The following MAPK14 variants were observed in gnomAD, a reference collection of about 807,000 sequenced individuals.
MAPK14 encodes CSAID-binding protein.
MAPK14 carries 16 observed loss-of-function variants against 49.6 expected under a neutral mutation model. The ratio of observed to expected loss-of-function variants is 0.32; its 90% CI spans 0.22 to 0.49. MAPK14 has a LOEUF of 0.49. Among genes scored for constraint, MAPK14 ranks in the 20% least tolerant of loss-of-function variants. The pLI, the probability that MAPK14 is intolerant of heterozygous loss-of-function variation, is 0.99. For synonymous variants in MAPK14, 142 were observed against 158.0 expected (o/e 0.90, Z 0.76); for missense variants, 200 against 441.2 (o/e 0.45, Z 4.90).
intron 8 of MAPK14, among the ~76,000 whole-genome samples, chr6:36,079,225 C>T (rs1006973434): frequency 6.6e-6 from 1 of 152,186 alleles, no homozygotes; most frequent in Non-Finnish European, 1.5e-5. Context: ...TCCAAAGCTA[C>T]CTGTCACATA....
chr6:36,078,959 G>T (rs1207595603), intron 8 of MAPK14, among the ~76,000 whole-genome samples: 1 of 152,188 alleles, frequency 6.6e-6, no homozygotes, highest in Non-Finnish European at 1.5e-5. Flanking sequence ...AACTCTAGAT[G>T]CCTGGGGACC....
chr6:36,062,072 G>C lies in MAPK14; in HGVS notation c.305+2725G>C, dbSNP rs992471936. Among the ~76,000 whole-genome samples, 4 of 152,110 alleles carry C rather than the reference G, an allele frequency of 2.6e-5. No individual in the cohort carries two copies. In the South Asian group the frequency reaches 6.2e-4, roughly 24 times the overall value. ...GGCTCACTGCCACCTCTGCCTCCCA[G>C]CTCATGCAATCCTCCCACCTCAGTC... On this transcript the variant is annotated intron_variant, in intron 3 of 11. Coordinates refer to ENST00000229794, the MANE Select transcript of MAPK14 (RefSeq NM_139012.3).
chr6:36,046,762 A>G (rs1463483064), intron 1 of MAPK14, among the ~76,000 whole-genome samples: 1 of 152,208 alleles, frequency 6.6e-6, no homozygotes, highest in Admixed American at 6.5e-5. Context: ...TCAAATAGAG[A>G]TAAAAATATT....
chr6:36,087,663 C>G (rs972444343), intron 8 of MAPK14, among the ~76,000 whole-genome samples: 2 of 152,220 alleles, frequency 1.3e-5, no homozygotes, highest in Non-Finnish European at 2.9e-5. Flanking sequence ...GAAAAACATT[C>G]TGTGCTCATG....
At chr6:36,074,228 A>C (rs1764427465) in intron 6 of MAPK14, 132 bp downstream of exon 6, 1 of 597,326 alleles carries the variant, frequency 1.7e-6, no homozygotes. Context: ...TTATTATCAG[A>C]CTTTGAAATT....
intron 9 of MAPK14, 48 bp from the exon 10 acceptor site, chr6:36,102,523 C>G (rs1218676096): frequency 7.4e-7 from 1 of 1,351,038 alleles, no homozygotes; most frequent in East Asian, 2.3e-5. Flanking sequence ...TCTTTGAGAG[C>G]AGTAACATTA....
At chr6:36,046,090 A>T (rs1324634273) in intron 1 of MAPK14, among the ~76,000 whole-genome samples, 1 of 152,200 alleles carries the variant, frequency 6.6e-6, no homozygotes, top group African/African-American at 2.4e-5. Context: ...GTAACAAAAC[A>T]TTGAAGTTTA....
intron 2 of MAPK14, among the ~76,000 whole-genome samples, chr6:36,054,294 A>G (rs897132895): frequency 6.6e-6 from 1 of 152,258 alleles, no homozygotes; most frequent in African/African-American, 2.4e-5. Flanking sequence ...ATGGAACCCC[A>G]GAGCACCTTT....
downstream of MAPK14, among the ~76,000 whole-genome samples, chr6:36,113,258 C>G (rs181851914): frequency 1.3e-4 from 19 of 143,770 alleles, no homozygotes; most frequent in East Asian, 3.6e-3. Flanking sequence ...GGGAGGATCT[C>G]TTGAGCCCAG....
chr6:36,092,762 G>C (rs1356687502), intron 8 of MAPK14: 1 of 252,962 alleles, frequency 4.0e-6, no homozygotes, highest in Non-Finnish European at 7.8e-6. Flanking sequence ...GCATACGCCG[G>C]TGTCACGACT....
intron 3 of MAPK14, among the ~76,000 whole-genome samples, chr6:36,061,305 T>TC (rs1763812711): frequency 6.6e-6 from 1 of 152,198 alleles, no homozygotes; most frequent in African/African-American, 2.4e-5. Flanking sequence ...TGGAACCGGA[T>TC]TAAGAACCTA....
chr6:36,116,219 C>T (rs144956537), downstream of MAPK14, among the ~76,000 whole-genome samples: 323 of 152,296 alleles, frequency 2.1e-3, 2 homozygotes, highest in South Asian at 8.9e-3. Flanking sequence ...GCTCCAAATG[C>T]GTACTGATAC....
In MAPK14 at chr6:36,107,010, C is replaced by T. The variant is rs770280551; in HGVS notation, c.842-445C>T. 8.5e-5 allele frequency among the ~76,000 whole-genome samples: 13 copies of T among 152,062 alleles called. No homozygotes were observed. Among genetic ancestry groups the T allele is most frequent in the Admixed American group, 6.6e-5 (1 of 15,264 alleles). ...CTGGTAGCAGTTTGACATTGACGGT[C>T]CACAAAAGCCTGTTCAAACAGAATC... On this transcript the variant is annotated intron_variant, in intron 10 of 11. Transcript: ENST00000229794. The surrounding 1 kb of genome is among the most constrained non-coding windows in gnomAD (Gnocchi z 4.3).
At chr6:36,060,267 C>T (rs1049192727) in intron 3 of MAPK14, among the ~76,000 whole-genome samples, 1 of 152,144 alleles carries the variant, frequency 6.6e-6, no homozygotes, top group Non-Finnish European at 1.5e-5. Context: ...CCACGTATGT[C>T]ATTAGTGCCT....
intron 10 of MAPK14, among the ~76,000 whole-genome samples, chr6:36,105,798 C>T (rs553037345): frequency 1.1e-3 from 167 of 152,340 alleles, no homozygotes; most frequent in African/African-American, 3.7e-3. Context: ...CTCACCCCCA[C>T]ACCCTCCACA....
intron 3 of MAPK14, among the ~76,000 whole-genome samples, chr6:36,070,156 G>C (rs774225649): frequency 2.6e-5 from 4 of 152,168 alleles, no homozygotes; most frequent in Non-Finnish European, 5.9e-5. Flanking sequence ...ACAGTATTGA[G>C]AATTACTAAG....
chr6:36,050,233 A>G (rs990513575), intron 1 of MAPK14, among the ~76,000 whole-genome samples: 13 of 152,124 alleles, frequency 8.5e-5, no homozygotes, highest in African/African-American at 3.1e-4. Context: ...ACAGACAGAC[A>G]GAGAGAGAGA....
At chr6:36,047,517 G>A (rs907834000) in intron 1 of MAPK14, among the ~76,000 whole-genome samples, 4 of 152,198 alleles carry the variant, frequency 2.6e-5, no homozygotes, top group Non-Finnish European at 4.4e-5. Flanking sequence ...TTCCTTGAAT[G>A]GTTTGAAGGA....
chr6:36,115,344 G>T (rs1386673386), downstream of MAPK14, among the ~76,000 whole-genome samples: 1 of 152,160 alleles, frequency 6.6e-6, no homozygotes, highest in Admixed American at 6.5e-5. Flanking sequence ...CTAAACTCTT[G>T]TCAGATCTAT....
Sources: gnomAD v4.1 joint callset for allele counts (sites outside exome capture counted in the v4.1 genomes callset) on GRCh38, gnomAD v4.1.1 for gene constraint, Gnocchi (gnomAD v3.1) non-coding constraint, MANE v1.5 for transcripts, NCBI Gene and HGNC (gene_info 2026-07-23, HGNC 2026-07-21) for gene names.